The following SUN1 variants were observed in gnomAD, a reference collection of about 807,000 sequenced individuals.
The protein encoded by SUN1 is Sad1 and UNC84 domain containing 1.
Under a neutral mutation model 103.2 loss-of-function variants are expected in SUN1, and 61 were observed. That is an observed-to-expected ratio of 0.59 (90% CI 0.48 to 0.73). The LOEUF is 0.73. Among genes scored for constraint, SUN1 ranks in the 30% least tolerant of loss-of-function variants. The pLI is 0.00. For synonymous variants in SUN1, 490 were observed against 425.7 expected (o/e 1.15, Z -1.86); for missense variants, 1,052 against 1,034.6 (o/e 1.02, Z -0.23).
rs373404030 is a variant in SUN1, at chr7:873,226, C to T, written c.2253C>T (p.Asp751=). The T allele has an allele frequency of 1.2e-5, 19 of 1,614,072 alleles. No homozygotes were observed. Among genetic ancestry groups the T allele is most frequent in the Admixed American group, 8.3e-5 (5 of 60,004 alleles). The part of the protein sequence containing the change: ...LQMFQALKRP[D]DTAFQIVELR... ...CACCTTGATTTCAGAAAAGACCCGA[C>T]GACACAGCTTTCCAAATAGTGGAAC... The change falls in exon 19 of 19, where the codon GAC becomes GAT. Residue 751 remains aspartate (D), a synonymous_variant. Coordinates refer to ENST00000401592, the MANE Select transcript of SUN1 (RefSeq NM_001130965.3).
At chr7:840,996 C>T (rs866961765) in intron 2 of SUN1, among the ~76,000 whole-genome samples, 18 of 151,104 alleles carry the variant, frequency 1.2e-4, no homozygotes, top group South Asian at 2.1e-4. Flanking sequence ...TGCAATGGCG[C>T]GATCTTGGCT....
chr7:837,561 C>T (rs1584412124), intron 1 of SUN1, among the ~76,000 whole-genome samples: 1 of 152,204 alleles, frequency 6.6e-6, no homozygotes, highest in African/African-American at 2.4e-5. Context: ...CTCTTATCTT[C>T]AGAGTTTTTG....
rs1211973516 is a variant in SUN1, at chr7:857,950, A to G, written c.1517A>G (p.Gln506Arg). The G allele has an allele frequency of 7.7e-6, 12 of 1,568,226 alleles. No homozygotes were observed. Among genetic ancestry groups the G allele is most frequent in the African/African-American group, 1.4e-5 (1 of 73,758 alleles). ...GGCTGTGAGACAGTGGATGCCGTAC[A>G]AGAAAGAGTGAGCTTTCTGCATGTT... ...KTGCETVDAV[Q>R]ERVDVQVREM... Residue 506 changes from glutamine (Q) to arginine (R), a missense_variant, in exon 13 of 19, where the codon CAA (glutamine) becomes CGA (arginine). By Grantham distance (43) the Gln-to-Arg change is conservative. Coordinates refer to ENST00000401592, the MANE Select transcript of SUN1 (RefSeq NM_001130965.3).
At position 850,393 on chromosome 7, in the gene SUN1, GT is replaced by G. The variant is rs1820761765; in HGVS notation, c.659-988del. ...TTTTTGTATTTTTAGTAGAGACAGG[GT>G]TTCACTGTGTTAGCCAGGATGGTCT... On this transcript the variant is annotated intron_variant, in intron 5 of 18. Coordinates refer to ENST00000401592, the MANE Select transcript of SUN1 (RefSeq NM_001130965.3). The G allele has an allele frequency of 1.4e-5, 3 of 217,230 alleles. No individual in the cohort carries two copies. In the South Asian group the frequency reaches 2.2e-4, roughly 16 times the overall value. The allele number at this position is 217,230 out of a possible 1,614,324, so 13.5% of individuals were successfully genotyped here.
chr7:854,270 C>T (rs1824999429), intron 10 of SUN1, among the ~76,000 whole-genome samples: 2 of 152,264 alleles, frequency 1.3e-5, no homozygotes, highest in Non-Finnish European at 2.9e-5. Context: ...GCGACTGGAA[C>T]GCAGAGCAGG....
At chr7:817,144 G>C (rs1002371248) in intron 1 of SUN1, 1 of 428,468 alleles carries the variant, frequency 2.3e-6, no homozygotes. Context: ...TTTTATTTAA[G>C]AGGGGGGGTC....
intron 10 of SUN1, among the ~76,000 whole-genome samples, chr7:853,897 G>A (rs574300519): frequency 1.3e-5 from 2 of 152,310 alleles, no homozygotes; most frequent in African/African-American, 4.8e-5. Flanking sequence ...GTGGAGAACC[G>A]TGGTCTTTCC....
At chr7:862,088 A>C (rs1832675847) in intron 15 of SUN1, among the ~76,000 whole-genome samples, 1 of 152,220 alleles carries the variant, frequency 6.6e-6, no homozygotes, top group Non-Finnish European at 1.5e-5. Context: ...TTCCGAAAGA[A>C]CCGTGAGAGG....
In SUN1 at chr7:848,955, CT is replaced by C. The variant is rs201698024; in HGVS notation, c.659-2422del. 2.4e-4 allele frequency among the ~76,000 whole-genome samples: 36 copies of C among 152,236 alleles called. No homozygotes were observed. In the East Asian group the frequency reaches 6.4e-3, roughly 27 times the overall value. ...GTATTTAGAACCTGTTTTTTCAGAA[CT>C]TTTTTTCTTTTTGAGACGGAGTTTC... is the stretch of plus-strand genomic sequence containing the variant. On this transcript the variant is annotated intron_variant, in intron 5 of 18. Transcript: ENST00000401592.
rs376538370 is a variant in SUN1, at chr7:843,477, C to T, written c.615C>T (p.Pro205=). The T allele has an allele frequency of 1.7e-5, 28 of 1,614,048 alleles. No individual in the cohort carries two copies. The highest frequency in any genetic ancestry group is 1.6e-4 in the East Asian group (7 of 44,886). ...TGCTCACGGCGCACCCCGCGGCCCC[C>T]GGGCCCGTGTCGAGAGTTTATTCTA... is the stretch of plus-strand genomic sequence containing the variant. The part of the protein sequence containing the change: ...KDVLTAHPAA[P]GPVSRVYSRD... Residue 205 remains proline (P), a synonymous_variant, in exon 5 of 19, where the codon CCC becomes CCT. Transcript: ENST00000401592.
At chr7:842,639 G>A (rs1476174471) in intron 3 of SUN1, 1 of 186,784 alleles carries the variant, frequency 5.4e-6, no homozygotes, top group African/African-American at 2.4e-5. Flanking sequence ...GGGAGCCCCA[G>A]CCTGGCTGGC....
chr7:835,923 C>T (rs184825892), intron 1 of SUN1, among the ~76,000 whole-genome samples: 1 of 152,240 alleles, frequency 6.6e-6, no homozygotes, highest in East Asian at 1.9e-4. Context: ...CTGTGGAAGC[C>T]GAAAGAAGAG....
chr7:816,658 C>T, exon 1 of SUN1: 2 of 270,906 alleles, frequency 7.4e-6, no homozygotes, highest in Non-Finnish European at 1.5e-5. Context: ...AGGCCTGAGG[C>T]GGCGGCGCGA....
At chr7:853,150 CAGTT>C (rs1823848438) in intron 9 of SUN1, 198 bp downstream of exon 9, 9 of 785,796 alleles carry the variant, frequency 1.1e-5, no homozygotes, top group Non-Finnish European at 1.8e-5. Flanking sequence ...TCTCATGATT[CAGTT>C]AGTTTTAATT....
At chr7:852,096 C>G in intron 7 of SUN1, 53 bp downstream of exon 7, 2 of 1,441,022 alleles carry the variant, frequency 1.4e-6, no homozygotes, top group Non-Finnish European at 1.9e-6. Context: ...CAATTTTGTG[C>G]CAATTGCAGG....
Position 873,226 on chromosome 7 carries a change from C to A in SUN1, c.2253C>A (p.Asp751Glu). ...LQMFQALKRP[D>E]DTAFQIVELR... ...CACCTTGATTTCAGAAAAGACCCGA[C>A]GACACAGCTTTCCAAATAGTGGAAC... Residue 751 changes from aspartate (D) to glutamate (E), a missense_variant, in exon 19 of 19, where the codon GAC (aspartate) becomes GAA (glutamate). By Grantham distance (45) the Asp-to-Glu change is conservative. Coordinates refer to ENST00000401592, the MANE Select transcript of SUN1 (RefSeq NM_001130965.3). 6.2e-7 allele frequency: 1 copy of A among 1,614,190 alleles called. No individual in the cohort carries two copies. Among genetic ancestry groups the A allele is most frequent in the Non-Finnish European group, 8.5e-7 (1 of 1,180,022 alleles).
At chr7:828,743 G>T (rs765608220), upstream of SUN1, among the ~76,000 whole-genome samples, 1 of 152,176 alleles carries the variant, frequency 6.6e-6, no homozygotes, top group Non-Finnish European at 1.5e-5. Context: ...ATCCCTGGCC[G>T]CTGTCTCCTG....
At chr7:861,281 G>T in intron 14 of SUN1, 99 bp from the exon 15 acceptor site, 8 of 1,173,360 alleles carry the variant, frequency 6.8e-6, no homozygotes, top group Non-Finnish European at 1.0e-5. Context: ...TTGAGAAGAT[G>T]CTCTAATGTA....
At chr7:848,650 A>T (rs377401065) in intron 5 of SUN1, 2 of 1,290,998 alleles carry the variant, frequency 1.5e-6, no homozygotes, top group Non-Finnish European at 2.0e-6. Context: ...TTTTCCACCA[A>T]TCACACTTTC....
Sources: allele counts gnomAD v4.1 joint callset (sites outside exome capture counted in the v4.1 genomes callset), GRCh38; gene constraint gnomAD v4.1.1; transcripts MANE v1.5; gene names NCBI Gene and HGNC (gene_info 2026-07-23, HGNC 2026-07-21).